ZNF18: variants seen among roughly 807,000 people sequenced by gnomAD.
ZNF18 encodes the protein heart development-specific gene 1 protein.
In ZNF18, 42 loss-of-function variants were observed where a neutral mutation model predicts 58.1. That is an observed-to-expected ratio of 0.72 (90% CI 0.56 to 0.93). The LOEUF is 0.93. Among genes scored for constraint, ZNF18 ranks in the 40% least tolerant of loss-of-function variants. The pLI is 0.00. For synonymous variants in ZNF18, 231 were observed against 239.8 expected (o/e 0.96, Z 0.34); for missense variants, 540 against 644.2 (o/e 0.84, Z 1.75).
chr17:11,993,861 A>G (rs567152604), intron 1 of ZNF18, among the ~76,000 whole-genome samples: 2 of 142,478 alleles, frequency 1.4e-5, no homozygotes, highest in South Asian at 4.8e-4. Context: ...AGGGTTGAGA[A>G]GACTAACTAC....
chr17:12,009,340 G>A, the ZNF18 span: 2 of 151,628 alleles, frequency 1.3e-5, no homozygotes, highest in Admixed American at 6.6e-5. Flanking sequence ...AGGCAGAGAC[G>A]TTCTTTTATT....
the ZNF18 span, chr17:12,020,895 T>C: frequency 8.4e-7 from 1 of 1,190,506 alleles, no homozygotes; most frequent in Non-Finnish European, 1.0e-6. Flanking sequence ...CAATGGCGGC[T>C]CCGAGCCCGA....
At position 11,982,395 on chromosome 17, in the gene ZNF18, A is replaced by C. The variant is rs147034583; in HGVS notation, c.862+902T>G. Among the ~76,000 whole-genome samples the C allele has an allele frequency of 2.2e-3, 334 of 152,266 alleles. 1 individual carries two copies. The highest frequency in any genetic ancestry group is 7.6e-3 in the African/African-American group (317 of 41,554). On this transcript the variant is annotated intron_variant, in intron 6 of 6. Transcript: ENST00000580306. ...TTAACGCTGGTTGTAACTCTATCAAATGATTTCACGACTCACTAATTGGTT... is the reference window on the plus strand; with the variant it reads ...TTAACGCTGGTTGTAACTCTATCAACTGATTTCACGACTCACTAATTGGTT...
At chr17:11,998,923 A>G (rs9748000), upstream of ZNF18, among the ~76,000 whole-genome samples, 134,159 of 150,002 alleles carry the variant, frequency 0.89, 61,811 homozygotes, top group East Asian at 1. Flanking sequence ...TGATCCACCC[A>G]CCTTGGCCTC....
the ZNF18 span, chr17:12,010,865 T>G: frequency 2.0e-6 from 1 of 489,210 alleles, no homozygotes; most frequent in Non-Finnish European, 3.7e-6. Context: ...ACTTTTCTCT[T>G]TGTCTTCTTT....
chr17:12,010,718 T>C, the ZNF18 span: 1 of 216,176 alleles, frequency 4.6e-6, no homozygotes, highest in Admixed American at 5.4e-5. Context: ...GCCCCGCCGG[T>C]CTTTTATTTT....
chr17:11,977,880 A>G lies in ZNF18; in HGVS notation c.*77T>C. 1 of 1,489,456 alleles carries G rather than the reference A, an allele frequency of 6.7e-7. No homozygotes were observed. The highest frequency in any genetic ancestry group is 1.4e-5 in the South Asian group (1 of 72,840). The allele number at this position is 1,489,456 out of a possible 1,614,324, so 92.3% of individuals were successfully genotyped here. On this transcript the variant is annotated 3_prime_UTR_variant, in exon 7 of 7. Coordinates refer to ENST00000580306, the MANE Select transcript of ZNF18 (RefSeq NM_001303281.2). ...TTAACAGGGGTATCCTCTTAGACACAATTCCTCTTGATGGAGCTGAGTATT... is the reference window on the plus strand; with the variant it reads ...TTAACAGGGGTATCCTCTTAGACACGATTCCTCTTGATGGAGCTGAGTATT...
At chr17:12,003,335 A>G in the ZNF18 span, among the ~76,000 whole-genome samples, 3 of 151,758 alleles carry the variant, frequency 2.0e-5, no homozygotes, top group Middle Eastern at 3.4e-3. Context: ...GCTACTCAGG[A>G]GGCTGAGGCA....
chr17:11,998,822 C>CTTTTTTT (rs71142260), upstream of ZNF18, among the ~76,000 whole-genome samples: 1,627 of 108,242 alleles, frequency 0.015, 2 homozygotes, highest in Non-Finnish European at 0.019. Context: ...AGTTTCTAGT[C>CTTTTTTT]TTTTTTTTTT....
the ZNF18 span, among the ~76,000 whole-genome samples, chr17:12,014,764 G>T: frequency 6.6e-6 from 1 of 152,084 alleles, no homozygotes; most frequent in Admixed American, 6.5e-5. Flanking sequence ...AAAAACCACT[G>T]AATTGGCCGG....
upstream of ZNF18, among the ~76,000 whole-genome samples, chr17:11,998,889 T>C (rs766583816): frequency 2.8e-4 from 41 of 147,350 alleles, no homozygotes; most frequent in Non-Finnish European, 4.3e-4. Flanking sequence ...TTGGCCAGGC[T>C]GGTCTCGAAC....
In ZNF18 at chr17:11,990,522, C is replaced by A; in HGVS notation, c.606G>T (p.Leu202=). Residue 202 remains leucine (L), a synonymous_variant, in exon 4 of 7, where the codon CTG becomes CTT. Transcript: ENST00000580306. ...CCTGGTCTCTGATCAGCCTTTCCTC[C>A]AGTCGGGCAGGCTGGGAGGCAGCCA... ...LALAASQPAR[L]EERLIRDQDL... 2.5e-6 allele frequency: 4 copies of A among 1,611,712 alleles called. No homozygotes were observed. Among genetic ancestry groups the A allele is most frequent in the Non-Finnish European group, 3.4e-6 (4 of 1,179,392 alleles).
the ZNF18 span, among the ~76,000 whole-genome samples, chr17:12,012,652 A>G: frequency 1.3e-5 from 2 of 152,172 alleles, no homozygotes; most frequent in African/African-American, 4.8e-5. Flanking sequence ...TAGATAACTG[A>G]GAAATTATAT....
chr17:12,003,830 A>G, the ZNF18 span, among the ~76,000 whole-genome samples: 1 of 152,234 alleles, frequency 6.6e-6, no homozygotes, highest in African/African-American at 2.4e-5. Context: ...TATTGAATAC[A>G]ACGGACTGGC....
intron 4 of ZNF18, among the ~76,000 whole-genome samples, chr17:11,987,388 G>GATTTTTAAATT (rs1967821224): frequency 6.6e-6 from 1 of 152,152 alleles, no homozygotes; most frequent in South Asian, 2.1e-4. Context: ...AGATTAGAGG[G>GATTTTTAAATT]AGTGATTAAT....
At chr17:12,015,115 A>G in the ZNF18 span, among the ~76,000 whole-genome samples, 1 of 152,250 alleles carries the variant, frequency 6.6e-6, no homozygotes, top group East Asian at 1.9e-4. Flanking sequence ...TATATGAATT[A>G]TAGCTTCATA....
chr17:11,992,546 C>T lies in ZNF18; in HGVS notation c.284G>A (p.Gly95Glu). Residue 95 changes from glycine to glutamate, a missense_variant, in exon 2 of 7, where the codon GGG becomes GAG. Gly to Glu is a moderately conservative substitution (Grantham distance 98). Coordinates refer to ENST00000580306, the MANE Select transcript of ZNF18 (RefSeq NM_001303281.2). ...MLEQFLTILP[G>E]EIQMWVRKQC... ...TTTCCGCACCCACATCTGGATCTCC[C>T]CAGGCAGGATGGTCAGAAACTGCTC... The T allele has an allele frequency of 6.2e-7, 1 of 1,614,208 alleles. No individual in the cohort carries two copies. Among genetic ancestry groups the T allele is most frequent in the East Asian group, 2.2e-5 (1 of 44,890 alleles).
At position 11,992,922 on chromosome 17, in the gene ZNF18, A is replaced by T; in HGVS notation, c.-82-11T>A. ...GTCTTCACCAGGACACTAAAAAGGG[A>T]ATGAGATTGAGTGCTACACAGAGGA... On this transcript the variant is annotated splice_polypyrimidine_tract_variant and intron_variant, in intron 1 of 6. Coordinates refer to ENST00000580306, the MANE Select transcript of ZNF18 (RefSeq NM_001303281.2). 7.1e-7 allele frequency: 1 copy of T among 1,405,606 alleles called. No homozygotes were observed. Among genetic ancestry groups the T allele is most frequent in the East Asian group, 2.4e-5 (1 of 41,896 alleles). 87.1% of individuals were successfully genotyped at this position (1,405,606 alleles called of 1,614,324 possible).
chr17:12,020,755 G>A, the ZNF18 span: 1 of 403,702 alleles, frequency 2.5e-6, no homozygotes, highest in Non-Finnish European at 4.2e-6. Context: ...GCGGGGGCGT[G>A]TCAGGAGGCG....
Sources: gnomAD v4.1 joint callset for allele counts (sites outside exome capture counted in the v4.1 genomes callset) on GRCh38, gnomAD v4.1.1 for gene constraint, MANE v1.5 for transcripts, NCBI Gene and HGNC (gene_info 2026-07-23, HGNC 2026-07-21) for gene names.